SSR1: variants seen among roughly 807,000 people sequenced by gnomAD.
SSR1 encodes translocon-associated protein subunit alpha.
Under a neutral mutation model 36.1 loss-of-function variants are expected in SSR1, and 13 were observed. The observed-to-expected ratio is 0.36, with a 90% CI of 0.23 to 0.57. The LOEUF is 0.57. Among genes scored for constraint, SSR1 ranks in the 20% least tolerant of loss-of-function variants. The pLI, the probability that SSR1 is intolerant of heterozygous loss-of-function variation, is 0.81. For synonymous variants in SSR1, 113 were observed against 118.9 expected, an observed-to-expected ratio of 0.95 and a Z score of 0.32; for missense variants, 291 against 338.5, an observed-to-expected ratio of 0.86 and a Z score of 1.10.
chr6:7,305,988 C>T (rs989072020), intron 2 of SSR1, among the ~76,000 whole-genome samples: 2 of 152,206 alleles, frequency 1.3e-5, no homozygotes, highest in Non-Finnish European at 2.9e-5. Flanking sequence ...AAACAATCTC[C>T]AGAGGAGAGT....
At chr6:7,307,137 G>C (rs987313619) in intron 2 of SSR1, among the ~76,000 whole-genome samples, 1 of 152,092 alleles carries the variant, frequency 6.6e-6, no homozygotes, top group Non-Finnish European at 1.5e-5. Flanking sequence ...CTGAGTATAG[G>C]GTGATAAATC....
At chr6:7,298,086 A>AT in intron 5 of SSR1, 85 bp from the exon 6 acceptor site, 1 of 982,756 alleles carries the variant, frequency 1.0e-6, no homozygotes, top group Non-Finnish European at 1.5e-6. Context: ...AACACATAAT[A>AT]GAAGCTTTCC....
Position 7,286,467 on chromosome 6 carries a change from A to T in SSR1, c.*3397T>A, listed in dbSNP as rs1023900850. 1 of 152,218 alleles carries T rather than the reference A, an allele frequency of 6.6e-6. No homozygotes were observed. Among genetic ancestry groups the T allele is most frequent in the Admixed American group, 6.5e-5 (1 of 15,284 alleles). 9.4% of individuals were successfully genotyped at this position (152,218 alleles called of 1,614,324 possible). ...TATAGACAGATTAACTTAACAACGA[A>T]ACCTAACATTCCACCAGTAAGAATC... is the stretch of plus-strand genomic sequence containing the variant. On this transcript the variant is annotated 3_prime_UTR_variant, in exon 8 of 8. Coordinates refer to ENST00000244763, the MANE Select transcript of SSR1 (RefSeq NM_003144.5).
intron 5 of SSR1, among the ~76,000 whole-genome samples, chr6:7,298,245 A>C (rs189634448): frequency 1.0e-3 from 152 of 152,346 alleles, no homozygotes; most frequent in South Asian, 8.3e-3. Flanking sequence ...TCTATTCAAA[A>C]GCTTGGTTTA....
In SSR1 at chr6:7,311,769, C is replaced by T. The variant is rs562145824; in HGVS notation, c.79+1273G>A. Among the ~76,000 whole-genome samples, 7 of 151,050 alleles carry T rather than the reference C, an allele frequency of 4.6e-5. No individual in the cohort carries two copies. In the South Asian group the frequency reaches 1.5e-3, roughly 31 times the overall value. On this transcript the variant is annotated intron_variant, in intron 1 of 7. Coordinates refer to ENST00000244763, the MANE Select transcript of SSR1 (RefSeq NM_003144.5). ...CAACTGGAAAAACCAAACACAAAAA[C>T]CGTTTCTCACAAAAAATGTTTACAA...
intron 4 of SSR1, among the ~76,000 whole-genome samples, chr6:7,300,903 A>C (rs928448254): frequency 6.6e-6 from 1 of 152,190 alleles, no homozygotes; most frequent in Non-Finnish European, 1.5e-5. Flanking sequence ...TCAGCTTCCC[A>C]AAGTGCTGAG....
chr6:7,301,540 C>T lies in SSR1; in HGVS notation c.313G>A (p.Val105Ile). Residue 105 changes from valine (V) to isoleucine (I), a missense_variant, in exon 4 of 8, where the codon GTA becomes ATA. Transcript: ENST00000244763. ...TCTGTACCCTTGTTGGTAAAGCCTA[C>T]CAGGAACTTCACAATGTTATTTGCT... ...FPANNIVKFL[V>I]GFTNKGTEDF... The T allele has an allele frequency of 1.9e-6, 3 of 1,612,140 alleles. No homozygotes were observed. Among genetic ancestry groups the T allele is most frequent in the Non-Finnish European group, 2.5e-6 (3 of 1,179,650 alleles).
intron 7 of SSR1, 64 bp from the exon 8 acceptor site, chr6:7,289,995 TA>T: frequency 7.2e-7 from 1 of 1,382,144 alleles, no homozygotes; most frequent in Non-Finnish European, 9.7e-7. Flanking sequence ...AAAGACATGT[TA>T]AAAAGTATTT....
intron 2 of SSR1, among the ~76,000 whole-genome samples, chr6:7,308,797 C>T (rs1351743021): frequency 6.6e-6 from 1 of 152,074 alleles, no homozygotes; most frequent in Non-Finnish European, 1.5e-5. Context: ...GCCCACCCAG[C>T]ACCAAGAACA....
At chr6:7,309,339 G>A (rs1758137280) in intron 2 of SSR1, among the ~76,000 whole-genome samples, 2 of 152,306 alleles carry the variant, frequency 1.3e-5, no homozygotes, top group South Asian at 4.1e-4. Context: ...GGGCATGACG[G>A]TAGTCCTAGC....
chr6:7,306,064 A>G (rs1758045378), intron 2 of SSR1, among the ~76,000 whole-genome samples: 1 of 152,232 alleles, frequency 6.6e-6, no homozygotes, highest in Non-Finnish European at 1.5e-5. Flanking sequence ...ACACAAGGGA[A>G]ACTTTTCATC....
intron 3 of SSR1, among the ~76,000 whole-genome samples, chr6:7,302,141 T>G (rs1323046893): frequency 6.6e-6 from 1 of 152,186 alleles, no homozygotes; most frequent in Non-Finnish European, 1.5e-5. Flanking sequence ...CCTACAGGCA[T>G]AAAGTTCAAA....
At chr6:7,307,620 T>G (rs925406747) in intron 2 of SSR1, among the ~76,000 whole-genome samples, 48 of 152,314 alleles carry the variant, frequency 3.2e-4, no homozygotes, top group African/African-American at 1.2e-3. Context: ...TAGCTCACTG[T>G]AACACTGAAC....
chr6:7,307,225 G>C (rs1335006792), intron 2 of SSR1, among the ~76,000 whole-genome samples: 1 of 151,354 alleles, frequency 6.6e-6, no homozygotes, highest in Non-Finnish European at 1.5e-5. Context: ...TTGCCTTTGA[G>C]GGCCCATCTT....
At chr6:7,301,648 G>A in intron 3 of SSR1, 76 bp from the exon 4 acceptor site, 1 of 1,436,864 alleles carries the variant, frequency 7.0e-7, no homozygotes, top group African/African-American at 1.4e-5. Context: ...CATTACTAAT[G>A]GATTCTGGCA....
At chr6:7,295,076 T>A (rs1757763526) in intron 7 of SSR1, 1 of 1,510,040 alleles carries the variant, frequency 6.6e-7, no homozygotes, top group African/African-American at 1.4e-5. Flanking sequence ...TTAAAAAAAT[T>A]AAATGCCTCA....
intron 7 of SSR1, among the ~76,000 whole-genome samples, chr6:7,293,049 T>C (rs1307291219): frequency 6.6e-6 from 1 of 151,958 alleles, no homozygotes; most frequent in African/African-American, 2.4e-5. Flanking sequence ...CCAGGACTAC[T>C]CCCCCACGGC....
chr6:7,296,513 T>G (rs1332765602), intron 6 of SSR1, among the ~76,000 whole-genome samples: 1 of 152,250 alleles, frequency 6.6e-6, no homozygotes, highest in Non-Finnish European at 1.5e-5. Context: ...ACTGCCTGAC[T>G]AAAGGCTTAA....
chr6:7,299,219 A>G (rs1757871613), intron 4 of SSR1, among the ~76,000 whole-genome samples: 1 of 152,212 alleles, frequency 6.6e-6, no homozygotes, highest in South Asian at 2.1e-4. Flanking sequence ...GTGAGGACCC[A>G]GAGAGTAAAA....
Sources: allele counts gnomAD v4.1 joint callset (sites outside exome capture counted in the v4.1 genomes callset), GRCh38; gene constraint gnomAD v4.1.1; transcripts MANE v1.5; gene names NCBI Gene and HGNC (gene_info 2026-07-23, HGNC 2026-07-21).